VILL: variants seen among roughly 807,000 people sequenced by gnomAD.
VILL encodes villin-like protein.
A neutral mutation model predicts 106.3 loss-of-function variants in VILL; 102 were observed. The observed-to-expected ratio is 0.96, with a 90% CI of 0.82 to 1.13. VILL has a LOEUF of 1.13. Among genes scored for constraint, VILL ranks in the 50% most tolerant of loss-of-function variants. The pLI is 0.00. For missense variants in VILL, 1,076 were observed against 1,116.6 expected, an observed-to-expected ratio of 0.96 and a Z score of 0.52; for synonymous variants, 431 against 440.3, an observed-to-expected ratio of 0.98 and a Z score of 0.27.
At position 38,005,774 on chromosome 3, in the gene VILL, G is replaced by C. The variant is rs768149950; in HGVS notation, c.1951-18G>C. On this transcript the variant is annotated intron_variant, in intron 16 of 19. Transcript: ENST00000383759. ...AGCCCCTCCACCTGCCCAAGGCCAG[G>C]TCCCCTCTGTGGCTCAGATCTTCCT... is the stretch of plus-strand genomic sequence containing the variant. The C allele has an allele frequency of 5.6e-6, 9 of 1,597,836 alleles. No individual in the cohort carries two copies. The highest frequency in any genetic ancestry group is 7.7e-6 in the Non-Finnish European group (9 of 1,171,638).
chr3:37,989,368 T>A (rs574091572), upstream of VILL, among the ~76,000 whole-genome samples: 51 of 152,242 alleles, frequency 3.3e-4, no homozygotes, highest in African/African-American at 1.2e-3. Context: ...GGCGTTTCCA[T>A]GCTATTTGCA....
chr3:38,006,865 T>G, intron 19 of VILL, 77 bp from the exon 20 acceptor site: 3 of 1,511,554 alleles, frequency 2.0e-6, no homozygotes, highest in Non-Finnish European at 2.7e-6. Context: ...CCTGGATGAC[T>G]GACACTACTG....
chr3:37,991,850 T>G (rs889804172), intron 1 of VILL, among the ~76,000 whole-genome samples: 1 of 150,582 alleles, frequency 6.6e-6, no homozygotes, highest in Admixed American at 6.6e-5. Context: ...AGGCTGGAGG[T>G]GGCACTGTGG....
In VILL at chr3:37,994,151, C is replaced by T. The variant is rs576833881; in HGVS notation, c.136-110C>T. ...TCCTTCCCTCCCACTTCCTGATCTC[C>T]GCGGAAGCCCCTGCCTAGCGTCTCC... On this transcript the variant is annotated intron_variant, in intron 3 of 19. Transcript: ENST00000383759. 5 of 1,434,164 alleles carry T rather than the reference C, an allele frequency of 3.5e-6. No homozygotes were observed. The Admixed American group carries it at 7.9e-5, about 23-fold the overall frequency. 88.8% of individuals were successfully genotyped at this position (1,434,164 alleles called of 1,614,324 possible).
intron 1 of VILL, chr3:37,993,356 G>A: frequency 4.4e-5 from 15 of 340,262 alleles, no homozygotes; most frequent in South Asian, 1.5e-4. Flanking sequence ...GAAGGTGGAG[G>A]TTGCAGTGAA....
Position 38,001,726 on chromosome 3 carries a change from A to G in VILL, c.1345A>G (p.Ile449Val). 6.2e-7 allele frequency: 1 copy of G among 1,614,208 alleles called. No homozygotes were observed. Among genetic ancestry groups the G allele is most frequent in the Middle Eastern group, 1.6e-4 (1 of 6,062 alleles). Residue 449 changes from isoleucine (I) to valine (V), a missense_variant, in exon 13 of 20, where the codon ATT (isoleucine) becomes GTT (valine). Physicochemically the swap from Ile to Val is conservative, Grantham distance 29. Transcript: ENST00000383759. The stretch of plus-strand genomic sequence containing the variant: ...GGGCCACCAGGCCACTGCGGATGAG[A>G]TTGAGGCCCTGAACAGCAACGCTGA... The part of the protein sequence containing the change: ...WQGHQATADE[I>V]EALNSNAEEL...
intron 4 of VILL, 75 bp downstream of exon 4, chr3:37,994,541 A>G (rs1346857798): frequency 1.3e-6 from 2 of 1,531,372 alleles, no homozygotes; most frequent in African/African-American, 1.4e-5. Context: ...TGGGATGGCC[A>G]TCGTCCACAT....
At position 38,007,092 on chromosome 3, in the gene VILL, C is replaced by CCAA. The variant is rs1395624887; in HGVS notation, c.*40_*42dup. On this transcript the variant is annotated 3_prime_UTR_variant, in exon 20 of 20. Transcript: ENST00000383759. ...CTCGACTGCCCCTATCCCCTGGACCCCAACATACCTACAATGCTGGGGAGG... is the reference window on the plus strand; with the variant it reads ...CTCGACTGCCCCTATCCCCTGGACCCCAACAACATACCTACAATGCTGGGGAGG... The CCAA allele has an allele frequency of 6.5e-6, 10 of 1,545,208 alleles. No homozygotes were observed. The highest frequency in any genetic ancestry group is 8.9e-6 in the Non-Finnish European group (10 of 1,119,228).
At position 38,005,897 on chromosome 3, in the gene VILL, A is replaced by C; in HGVS notation, c.2056A>C (p.Ile686Leu). 1.9e-6 allele frequency: 3 copies of C among 1,614,114 alleles called. No individual in the cohort carries two copies. Among genetic ancestry groups the C allele is most frequent in the Non-Finnish European group, 2.5e-6 (3 of 1,180,000 alleles). ...HPAGRSPATP[I>L]VLVKQGHEPP... Reference sequence around the variant, plus strand: ...AGCAGGGAGGAGCCCGGCCACACCCATCGTGCTGGTCAAGCAGGGCCATGA... The same window carrying C: ...AGCAGGGAGGAGCCCGGCCACACCCCTCGTGCTGGTCAAGCAGGGCCATGA... The change falls in exon 17 of 20, where the codon ATC becomes CTC. Residue 686 changes from isoleucine to leucine, a missense_variant. Transcript: ENST00000383759.
At position 38,001,840 on chromosome 3, in the gene VILL, G is replaced by A. The variant is rs1174559776; in HGVS notation, c.1459G>A (p.Gly487Ser). The change falls in exon 13 of 20, where the codon GGC (glycine) becomes AGC (serine). Residue 487 changes from glycine (G) to serine (S), a missense_variant. By Grantham distance (56) the Gly-to-Ser change is moderately conservative. Coordinates refer to ENST00000383759, the MANE Select transcript of VILL (RefSeq NM_015873.4). The part of the protein sequence containing the change: ...EPPHFLAIFQ[G>S]QLVIFQERAG... ...CCCCCACTTCCTCGCCATCTTCCAG[G>A]GCCAGCTGGTGATCTTCCAGGTAGG... is the stretch of plus-strand genomic sequence containing the variant. The A allele has an allele frequency of 1.2e-6, 2 of 1,614,246 alleles. No homozygotes were observed. The highest frequency in any genetic ancestry group is 3.3e-5 in the Admixed American group (2 of 60,032).
chr3:38,002,984 A>C, intron 14 of VILL, 184 bp from the exon 15 acceptor site: 2 of 763,606 alleles, frequency 2.6e-6, no homozygotes, highest in East Asian at 2.8e-5. Flanking sequence ...CCTGCGATCC[A>C]GATCAACTGG....
In VILL at chr3:37,993,643, G is replaced by T. The variant is rs774930498; in HGVS notation, c.-30G>T. The T allele has an allele frequency of 1.2e-6, 2 of 1,611,348 alleles. No individual in the cohort carries two copies. The highest frequency in any genetic ancestry group is 2.7e-5 in the African/African-American group (2 of 74,826). On this transcript the variant is annotated 5_prime_UTR_variant, in exon 2 of 20. Coordinates refer to ENST00000383759, the MANE Select transcript of VILL (RefSeq NM_015873.4). ...CTGAGAACTCTGGCTGTTGTTCCTT[G>T]TGTCGTCCCATATTCCTGCCTGGCC...
Position 37,994,277 on chromosome 3 carries a change from A to T in VILL, c.152A>T (p.Lys51Met), listed in dbSNP as rs776827616. 1 of 1,609,912 alleles carries T rather than the reference A, an allele frequency of 6.2e-7. No individual in the cohort carries two copies. The highest frequency in any genetic ancestry group is 8.5e-7 in the Non-Finnish European group (1 of 1,179,544). Residue 51 changes from lysine (K) to methionine (M), a missense_variant, in exon 4 of 20, where the codon AAG becomes ATG. Coordinates refer to ENST00000383759, the MANE Select transcript of VILL (RefSeq NM_015873.4). ...GGACCCTAGGTCCCCCAGAGCCCGAAGGCCACGCAGGGGGCGTCCAGCGAC... is the reference window on the plus strand; with the variant it reads ...GGACCCTAGGTCCCCCAGAGCCCGATGGCCACGCAGGGGGCGTCCAGCGAC... ...YVILHVPQSP[K>M]ATQGASSDLH...
chr3:38,001,871 C>A lies in VILL; in HGVS notation c.1479+11C>A. 1 of 1,614,120 alleles carries A rather than the reference C, an allele frequency of 6.2e-7. No individual in the cohort carries two copies. On this transcript the variant is annotated intron_variant, in intron 13 of 19. Transcript: ENST00000383759. Reference sequence around the variant, plus strand: ...CTGGTGATCTTCCAGGTAGGTCTCACCTTGCCACTCTGGCCACAGCCTGCC... The same window carrying A: ...CTGGTGATCTTCCAGGTAGGTCTCAACTTGCCACTCTGGCCACAGCCTGCC...
At chr3:38,001,287 C>A in intron 11 of VILL, 169 bp from the exon 12 acceptor site, 2 of 1,025,520 alleles carry the variant, frequency 2.0e-6, no homozygotes, top group Non-Finnish European at 2.8e-6. Flanking sequence ...GATCCTTGTA[C>A]AAAGCCCAGC....
In VILL at chr3:38,001,943, C is replaced by G. The variant is rs1290769179; in HGVS notation, c.1479+83C>G. The G allele has an allele frequency of 1.5e-5, 24 of 1,588,986 alleles. No individual in the cohort carries two copies. In the East Asian group the frequency reaches 1.8e-4, roughly 12 times the overall value. On this transcript the variant is annotated intron_variant, in intron 13 of 19. Transcript: ENST00000383759. The stretch of plus-strand genomic sequence containing the variant: ...CCCCGCACACACTTCTAAGCACCTT[C>G]TCTTTGGGCCTGGGGCCTGCTTATC...
chr3:37,997,256 C>A lies in VILL; in HGVS notation c.561+69C>A. Reference sequence around the variant, plus strand: ...GGGAATGATCCTCCAGTTGACCATCCTCCGGCCACCCAAAGAGTTGGGCTT... The same window carrying A: ...GGGAATGATCCTCCAGTTGACCATCATCCGGCCACCCAAAGAGTTGGGCTT... On this transcript the variant is annotated intron_variant, in intron 6 of 19. Transcript: ENST00000383759. This position sits in a 1 kb window ranked among gnomAD's most constrained non-coding sequence, Gnocchi z 4.7. The A allele has an allele frequency of 6.6e-7, 1 of 1,504,344 alleles. No homozygotes were observed. Among genetic ancestry groups the A allele is most frequent in the Non-Finnish European group, 9.2e-7 (1 of 1,085,796 alleles). The allele number at this position is 1,504,344 out of a possible 1,614,324, so 93.2% of individuals were successfully genotyped here. A position where few individuals can be genotyped will look rare whatever the true frequency, so the allele number is the denominator to read the frequency against.
chr3:38,002,269 A>G (rs1023757542), intron 13 of VILL, 127 bp from the exon 14 acceptor site: 1 of 852,824 alleles, frequency 1.2e-6, no homozygotes, highest in South Asian at 1.8e-5. Flanking sequence ...CCTCATGTGA[A>G]ATCACCAGTG....
intron 19 of VILL, 36 bp downstream of exon 19, chr3:38,006,736 C>G: frequency 2.5e-6 from 4 of 1,573,920 alleles, no homozygotes; most frequent in Non-Finnish European, 3.5e-6. Flanking sequence ...ACTAGTGCAT[C>G]TGACACTGAG....
Sources: allele counts gnomAD v4.1 joint callset (sites outside exome capture counted in the v4.1 genomes callset), GRCh38; gene constraint gnomAD v4.1.1; non-coding constraint Gnocchi (gnomAD v3.1); transcripts MANE v1.5; gene names NCBI Gene and HGNC (gene_info 2026-07-23, HGNC 2026-07-21).